FBXL13: variants seen among roughly 807,000 people sequenced by gnomAD.
The protein encoded by FBXL13 is F-box and leucine-rich repeat protein 13.
A neutral mutation model predicts 83.6 loss-of-function variants in FBXL13; 67 were observed. That is an observed-to-expected ratio of 0.80 (90% CI 0.66 to 0.98). FBXL13 has a LOEUF of 0.98. Among genes scored for constraint, FBXL13 ranks in the 50% least tolerant of loss-of-function variants. The pLI is 0.00. For synonymous variants in FBXL13, 272 were observed against 299.5 expected, an observed-to-expected ratio of 0.91 and a Z score of 0.95; for missense variants, 822 against 866.5, an observed-to-expected ratio of 0.95 and a Z score of 0.64.
At chr7:102,917,997 G>T (rs1223114363) in intron 10 of FBXL13, among the ~76,000 whole-genome samples, 2 of 152,120 alleles carry the variant, frequency 1.3e-5, no homozygotes, top group African/African-American at 2.4e-5. Flanking sequence ...CAAATAAAAA[G>T]CTGGCAAATC....
chr7:102,976,046 A>ACCCC, intron 6 of FBXL13: 2 of 766,182 alleles, frequency 2.6e-6, no homozygotes, highest in South Asian at 2.7e-5. Flanking sequence ...TCTGCGGAGG[A>ACCCC]CCCCACTGGA....
At chr7:103,055,488 G>A (rs1797246113) in intron 2 of FBXL13, among the ~76,000 whole-genome samples, 156 bp downstream of exon 2, 1 of 152,126 alleles carries the variant, frequency 6.6e-6, no homozygotes, top group African/African-American at 2.4e-5. Context: ...AAATTATTCA[G>A]GTTTGCGTCT....
At chr7:103,072,454 A>G (rs76475045) in intron 1 of FBXL13, among the ~76,000 whole-genome samples, 1,674 of 152,264 alleles carry the variant, frequency 0.011, 35 homozygotes, top group African/African-American at 0.039. Flanking sequence ...AGAACAATGC[A>G]GTAAGCTGGT....
intron 8 of FBXL13, among the ~76,000 whole-genome samples, chr7:102,958,044 C>A (rs1824567536): frequency 6.6e-6 from 1 of 151,982 alleles, no homozygotes; most frequent in Admixed American, 6.6e-5. Context: ...GGGTATATAC[C>A]CAAAGGATTA....
chr7:102,951,662 G>A (rs1353731698), intron 8 of FBXL13, among the ~76,000 whole-genome samples: 1 of 151,294 alleles, frequency 6.6e-6, no homozygotes, highest in Non-Finnish European at 1.5e-5. Flanking sequence ...TTTTTAAAAA[G>A]ATTAGCCAGG....
At chr7:102,881,317 T>C (rs1324843846) in intron 14 of FBXL13, among the ~76,000 whole-genome samples, 1 of 150,464 alleles carries the variant, frequency 6.6e-6, no homozygotes, top group African/African-American at 2.4e-5. Flanking sequence ...TGATGGTGGG[T>C]GCCTGTCTAC....
chr7:103,042,339 G>C (rs1167244396), intron 2 of FBXL13, among the ~76,000 whole-genome samples: 1 of 152,170 alleles, frequency 6.6e-6, no homozygotes, highest in Non-Finnish European at 1.5e-5. Context: ...CAAACAAATG[G>C]AAGAACATTC....
At chr7:102,902,546 G>C (rs1425779217) in intron 11 of FBXL13, among the ~76,000 whole-genome samples, 2 of 152,114 alleles carry the variant, frequency 1.3e-5, no homozygotes, top group Non-Finnish European at 2.9e-5. Flanking sequence ...ATGTTCTCTT[G>C]TAGTAGTTTC....
intron 11 of FBXL13, among the ~76,000 whole-genome samples, chr7:102,887,121 T>C (rs1388547924): frequency 6.6e-6 from 1 of 152,242 alleles, no homozygotes; most frequent in African/African-American, 2.4e-5. Flanking sequence ...GAGCTCATGA[T>C]ATTATTTCAT....
At chr7:102,911,100 T>A (rs1417933227) in intron 11 of FBXL13, among the ~76,000 whole-genome samples, 1 of 152,204 alleles carries the variant, frequency 6.6e-6, no homozygotes, top group Non-Finnish European at 1.5e-5. Flanking sequence ...TAGATAGTTG[T>A]TAACTTGGTG....
At chr7:102,973,931 C>T (rs752058695) in intron 6 of FBXL13, among the ~76,000 whole-genome samples, 4 of 152,188 alleles carry the variant, frequency 2.6e-5, no homozygotes, top group South Asian at 2.1e-4. Flanking sequence ...CATTTGATCC[C>T]GTTCCGGGAA....
chr7:102,880,283 T>C (rs1245775863), intron 14 of FBXL13, among the ~76,000 whole-genome samples: 3 of 152,316 alleles, frequency 2.0e-5, no homozygotes, highest in African/African-American at 4.8e-5. Context: ...TTAACTCTTA[T>C]ATGTACATAT....
rs1486374223 is a variant in FBXL13, at chr7:102,952,112, T to C, written c.724+11421A>G. Among the ~76,000 whole-genome samples, 3 of 152,182 alleles carry C rather than the reference T, an allele frequency of 2.0e-5. No homozygotes were observed. In the East Asian group the frequency reaches 5.8e-4, roughly 29 times the overall value. On this transcript the variant is annotated intron_variant, in intron 8 of 19. Coordinates refer to ENST00000313221, the Ensembl canonical transcript of FBXL13. ...GCACAAAAGAACAATTATTGTTTGA[T>C]TCCACTTATATGCGGCACCTAGAGT...
At position 103,054,798 on chromosome 7, in the gene FBXL13, G is replaced by A. The variant is rs140055286; in HGVS notation, c.-1+846C>T. Reference sequence around the variant, plus strand: ...ATTCTATTTTCATCTTTATAAAGATGCACGAGAGGAGAAGGAGGAGAAAGA... The same window carrying A: ...ATTCTATTTTCATCTTTATAAAGATACACGAGAGGAGAAGGAGGAGAAAGA... On this transcript the variant is annotated intron_variant, in intron 2 of 19. Coordinates refer to ENST00000313221, the Ensembl canonical transcript of FBXL13. Among the ~76,000 whole-genome samples the A allele has an allele frequency of 4.5e-3, 684 of 152,308 alleles. 8 individuals carry two copies. The highest frequency in any genetic ancestry group is 0.016 in the African/African-American group (645 of 41,552).
intron 19 of FBXL13, among the ~76,000 whole-genome samples, chr7:102,813,785 A>G (rs1797622685): frequency 6.6e-6 from 1 of 152,190 alleles, no homozygotes; most frequent in African/African-American, 2.4e-5. Flanking sequence ...ACACATGGCC[A>G]TGGAAGAGGA....
intron 2 of FBXL13, among the ~76,000 whole-genome samples, chr7:103,047,453 G>A (rs1041905691): frequency 5.3e-5 from 8 of 152,164 alleles, no homozygotes; most frequent in Non-Finnish European, 1.0e-4. Context: ...CACAGGTAAT[G>A]AGACTTAGAC....
At chr7:102,988,691 T>G (rs1829253982) in intron 6 of FBXL13, 1 of 152,180 alleles carries the variant, frequency 6.6e-6, no homozygotes, top group South Asian at 2.1e-4. Context: ...CCAAAACTGG[T>G]GTAGAGTCTT....
chr7:103,024,857 A>ATATATATATATATTTT (rs1298384907), intron 6 of FBXL13, among the ~76,000 whole-genome samples: 3 of 62,846 alleles, frequency 4.8e-5, no homozygotes, highest in African/African-American at 2.7e-4. Flanking sequence ...ATATATATAT[A>ATATATATATATATTTT]TTTTTTTTTT....
intron 17 of FBXL13, among the ~76,000 whole-genome samples, chr7:102,841,766 T>G (rs1189358468): frequency 1.3e-5 from 2 of 152,238 alleles, no homozygotes; most frequent in African/African-American, 4.8e-5. Context: ...CAAGAGTTTA[T>G]CTGTGACTCC....
Sources: gnomAD v4.1 joint callset for allele counts (sites outside exome capture counted in the v4.1 genomes callset) on GRCh38, gnomAD v4.1.1 for gene constraint, MANE v1.5 for transcripts, NCBI Gene and HGNC (gene_info 2026-07-23, HGNC 2026-07-21) for gene names.